Variants in CSMD1 observed in about 807,000 individuals in gnomAD.
The protein encoded by CSMD1 is CUB and sushi domain-containing protein 1.
CSMD1 carries 213 observed loss-of-function variants against 417.5 expected under a neutral mutation model. The observed-to-expected ratio is 0.51, with a 90% CI of 0.46 to 0.57. CSMD1 has a LOEUF of 0.57. Among genes scored for constraint, CSMD1 ranks in the 20% least tolerant of loss-of-function variants. CSMD1 has a pLI of 0.00. For missense variants in CSMD1, 6,923 were observed against 4,529.7 expected, an observed-to-expected ratio of 1.53 and a Z score of -15.17; for synonymous variants, 2,862 against 1,736.8, an observed-to-expected ratio of 1.65 and a Z score of -16.11.
chr8:3,945,615 T>C (rs115605871), intron 5 of CSMD1, among the ~76,000 whole-genome samples: 141 of 152,272 alleles, frequency 9.3e-4, no homozygotes, highest in African/African-American at 3.1e-3. Context: ...GGCAAACTAA[T>C]GTACTGGTTA....
intron 2 of CSMD1, among the ~76,000 whole-genome samples, chr8:4,460,826 G>A (rs1241257465): frequency 6.6e-6 from 1 of 152,084 alleles, no homozygotes; most frequent in Non-Finnish European, 1.5e-5. Flanking sequence ...TGGCTTCACT[G>A]GTGAATTCTA....
At chr8:3,383,625 G>A (rs1810780522) in intron 18 of CSMD1, among the ~76,000 whole-genome samples, 1 of 152,152 alleles carries the variant, frequency 6.6e-6, no homozygotes, top group East Asian at 1.9e-4. Context: ...GCCAATAAGA[G>A]AAGGAGAAGA....
intron 3 of CSMD1, among the ~76,000 whole-genome samples, chr8:4,392,378 G>A (rs1198166698): frequency 3.3e-5 from 5 of 152,128 alleles, no homozygotes; most frequent in Admixed American, 6.5e-5. Context: ...AGAAAATAGA[G>A]ATTAAAATCA....
rs1156256792 is a variant in CSMD1, at chr8:2,980,381, C to G, written c.8378-1581G>C. Among the ~76,000 whole-genome samples the G allele has an allele frequency of 4.0e-5, 6 of 151,738 alleles. No individual in the cohort carries two copies. In the East Asian group the frequency reaches 1.2e-3, roughly 29 times the overall value. On this transcript the variant is annotated intron_variant, in intron 54 of 69. Transcript: ENST00000635120. ...ACCTCTGTGTCCTTTCTTCCTCCTC[C>G]TCTTCCTTCTTCTCCTCCTCCACCT...
intron 2 of CSMD1, among the ~76,000 whole-genome samples, chr8:4,459,471 C>G (rs1018597950): frequency 1.3e-5 from 2 of 152,118 alleles, no homozygotes; most frequent in South Asian, 4.1e-4. Context: ...AGATAGAGGG[C>G]AGGAAATTCA....
rs368203565 is a variant in CSMD1, at chr8:4,340,758, A to C, written c.415+79195T>G. 3.1e-4 allele frequency among the ~76,000 whole-genome samples: 47 copies of C among 152,246 alleles called. 1 individual carries two copies. Among genetic ancestry groups the C allele is most frequent in the East Asian group, 1.2e-3 (6 of 5,158 alleles). ...AAAATTTATTTTCAGCAAACTCTGCAAAACTGTCAAGCAAACTCATAATGG... is the reference window on the plus strand; with the variant it reads ...AAAATTTATTTTCAGCAAACTCTGCCAAACTGTCAAGCAAACTCATAATGG... On this transcript the variant is annotated intron_variant, in intron 3 of 69. Coordinates refer to ENST00000635120, the MANE Select transcript of CSMD1 (RefSeq NM_033225.6).
At chr8:4,555,378 C>T (rs946222854) in intron 2 of CSMD1, among the ~76,000 whole-genome samples, 3 of 152,030 alleles carry the variant, frequency 2.0e-5, no homozygotes, top group Non-Finnish European at 2.9e-5. Flanking sequence ...CGGGGAATGT[C>T]GTGGGCCATT....
At chr8:4,454,524 G>T (rs1799352880) in intron 2 of CSMD1, among the ~76,000 whole-genome samples, 1 of 152,140 alleles carries the variant, frequency 6.6e-6, no homozygotes, top group Non-Finnish European at 1.5e-5. Context: ...AAGAAAAAGT[G>T]TGGTTTCTGA....
chr8:4,385,921 G>T (rs998110798), intron 3 of CSMD1, among the ~76,000 whole-genome samples: 2 of 152,158 alleles, frequency 1.3e-5, no homozygotes, highest in Admixed American at 1.3e-4. Flanking sequence ...AGGAATTCCA[G>T]AGTTTCTCAC....
intron 3 of CSMD1, among the ~76,000 whole-genome samples, chr8:4,055,688 A>G (rs573337158): frequency 3.3e-5 from 5 of 152,286 alleles, no homozygotes; most frequent in African/African-American, 1.2e-4. Flanking sequence ...GTAACAATAT[A>G]CTTTGAAAAA....
At chr8:3,743,837 T>C (rs1334138230) in intron 6 of CSMD1, among the ~76,000 whole-genome samples, 1 of 152,162 alleles carries the variant, frequency 6.6e-6, no homozygotes, top group Admixed American at 6.5e-5. Context: ...CATATCTGCT[T>C]CCTCCTCTAA....
At chr8:4,262,985 C>T (rs550214002) in intron 3 of CSMD1, among the ~76,000 whole-genome samples, 6 of 152,254 alleles carry the variant, frequency 3.9e-5, no homozygotes, top group South Asian at 2.1e-4. Context: ...ACATTTTATA[C>T]GCCTTTAGCT....
At chr8:3,232,950 AT>A (rs1293657958) in intron 26 of CSMD1, among the ~76,000 whole-genome samples, 2 of 151,378 alleles carry the variant, frequency 1.3e-5, no homozygotes, top group Non-Finnish European at 2.9e-5. Context: ...TAAAAAAAAA[AT>A]CTTAAATTAG....
At chr8:3,535,347 G>C (rs1221695627) in intron 10 of CSMD1, among the ~76,000 whole-genome samples, 3 of 152,088 alleles carry the variant, frequency 2.0e-5, no homozygotes, top group Admixed American at 2.0e-4. Flanking sequence ...AGTCACTATA[G>C]GAAGAACCTG....
chr8:4,825,752 A>G (rs555581823), intron 1 of CSMD1, among the ~76,000 whole-genome samples: 1 of 151,780 alleles, frequency 6.6e-6, no homozygotes, highest in African/African-American at 2.4e-5. Context: ...TCTGAGATAT[A>G]GAGATATACA....
chr8:4,788,914 G>A (rs942231305), intron 1 of CSMD1, among the ~76,000 whole-genome samples: 1 of 152,158 alleles, frequency 6.6e-6, no homozygotes, highest in Non-Finnish European at 1.5e-5. Context: ...GTTGGAGGTT[G>A]GCAGCATATG....
At chr8:3,445,977 A>G (rs62505623) in intron 12 of CSMD1, among the ~76,000 whole-genome samples, 7 of 152,128 alleles carry the variant, frequency 4.6e-5, no homozygotes, top group Admixed American at 2.6e-4. Flanking sequence ...TCTGGGCACA[A>G]CAGAGGGAGA....
chr8:4,579,485 C>T (rs1174006223), intron 2 of CSMD1, among the ~76,000 whole-genome samples: 1 of 151,916 alleles, frequency 6.6e-6, no homozygotes, highest in Admixed American at 6.6e-5. Flanking sequence ...CCCTTAGCCT[C>T]TTAAGTAGCT....
At chr8:4,817,582 G>C (rs966050792) in intron 1 of CSMD1, among the ~76,000 whole-genome samples, 3 of 152,154 alleles carry the variant, frequency 2.0e-5, no homozygotes, top group Non-Finnish European at 4.4e-5. Flanking sequence ...CCCACATTTT[G>C]ACTTTGCTCA....
Sources: allele counts gnomAD v4.1 joint callset (sites outside exome capture counted in the v4.1 genomes callset), GRCh38; gene constraint gnomAD v4.1.1; transcripts MANE v1.5; gene names NCBI Gene and HGNC (gene_info 2026-07-23, HGNC 2026-07-21).